NDUFS1: variants seen among roughly 807,000 people sequenced by gnomAD.
The protein encoded by NDUFS1 is NADH:ubiquinone oxidoreductase core subunit S1.
Under a neutral mutation model 84.4 loss-of-function variants are expected in NDUFS1, and 61 were observed. That is an observed-to-expected ratio of 0.72 (90% CI 0.59 to 0.89). NDUFS1 has a LOEUF of 0.89. Among genes scored for constraint, NDUFS1 ranks in the 40% least tolerant of loss-of-function variants. The pLI is 0.00. For missense variants in NDUFS1, 891 were observed against 890.0 expected (o/e 1.00, Z -0.01); for synonymous variants, 275 against 290.0 (o/e 0.95, Z 0.53).
intron 14 of NDUFS1, 37 bp downstream of exon 14, chr2:206,132,908 T>C (rs571910948): frequency 1.5e-4 from 234 of 1,565,700 alleles, no homozygotes; most frequent in South Asian, 8.9e-4. Flanking sequence ...ACAACATTAC[T>C]TGAATTTATA....
intron 12 of NDUFS1, among the ~76,000 whole-genome samples, chr2:206,140,980 G>T (rs182082808): frequency 3.8e-5 from 5 of 131,208 alleles, no homozygotes; most frequent in African/African-American, 1.5e-4. Context: ...AATATGGCAA[G>T]ATGTTAACAT....
intron 12 of NDUFS1, among the ~76,000 whole-genome samples, chr2:206,140,841 G>A (rs548916146): frequency 6.6e-6 from 1 of 150,868 alleles, no homozygotes; most frequent in Non-Finnish European, 1.5e-5. Context: ...TGAGAATTTA[G>A]GTATAAAAGG....
intron 9 of NDUFS1, 125 bp downstream of exon 9, chr2:206,144,767 A>G (rs1277041622): frequency 5.3e-6 from 5 of 943,180 alleles, no homozygotes; most frequent in Middle Eastern, 3.1e-4. Context: ...TTATATAAGC[A>G]ACTCAGATTC....
At chr2:206,139,990 A>G (rs1691874190) in intron 12 of NDUFS1, among the ~76,000 whole-genome samples, 1 of 140,002 alleles carries the variant, frequency 7.1e-6, no homozygotes, top group African/African-American at 2.8e-5. Context: ...AGAAATTATG[A>G]AAAAAAAAAT....
intron 16 of NDUFS1, 57 bp downstream of exon 16, chr2:206,127,740 C>T: frequency 6.4e-7 from 1 of 1,570,192 alleles, no homozygotes; most frequent in Admixed American, 1.7e-5. Flanking sequence ...TTCTAACAGG[C>T]TAAAATATCA....
intron 7 of NDUFS1, 45 bp downstream of exon 7, chr2:206,147,486 T>C (rs1436949555): frequency 1.3e-6 from 2 of 1,542,134 alleles, no homozygotes; most frequent in Non-Finnish European, 1.8e-6. Flanking sequence ...GACTATTAAG[T>C]ATACAATTAT....
intron 7 of NDUFS1, 64 bp from the exon 8 acceptor site, chr2:206,147,152 T>A (rs1260019460): frequency 6.7e-7 from 1 of 1,493,452 alleles, no homozygotes; most frequent in Non-Finnish European, 9.3e-7. Context: ...TTCTTATTCA[T>A]GATCACAAAG....
Position 206,159,363 on chromosome 2 carries a change from C to A in NDUFS1, c.-27G>T. ...CACCTTCTCCCCGGAGCCGCGGAGGCTGTTCTGCTAAACTGTCTGGACCAC... is the reference window on the plus strand; with the variant it reads ...CACCTTCTCCCCGGAGCCGCGGAGGATGTTCTGCTAAACTGTCTGGACCAC... On this transcript the variant is annotated 5_prime_UTR_variant, in exon 1 of 19. Coordinates refer to ENST00000233190, the MANE Select transcript of NDUFS1 (RefSeq NM_005006.7). 1 of 594,856 alleles carries A rather than the reference C, an allele frequency of 1.7e-6. No homozygotes were observed. The highest frequency in any genetic ancestry group is 3.0e-6 in the Non-Finnish European group (1 of 334,038). 36.8% of individuals were successfully genotyped at this position (594,856 alleles called of 1,614,324 possible).
chr2:206,154,866 G>A (rs990147146), intron 1 of NDUFS1, among the ~76,000 whole-genome samples: 3 of 149,252 alleles, frequency 2.0e-5, no homozygotes, highest in African/African-American at 7.4e-5. Flanking sequence ...TTCATGATCC[G>A]CCCACCTTGA....
At chr2:206,135,573 T>G (rs1418465948) in intron 13 of NDUFS1, among the ~76,000 whole-genome samples, 1 of 151,496 alleles carries the variant, frequency 6.6e-6, no homozygotes, top group Non-Finnish European at 1.5e-5. Flanking sequence ...CTCGGGAGGC[T>G]GAGGCAAGAA....
chr2:206,148,180 G>A (rs10209592), intron 5 of NDUFS1, among the ~76,000 whole-genome samples: 4,006 of 151,896 alleles, frequency 0.026, 179 homozygotes, highest in African/African-American at 0.092. Flanking sequence ...CCGCCCTGGC[G>A]TCCCAAAGTG....
chr2:206,136,013 T>C (rs1489576774), intron 13 of NDUFS1, among the ~76,000 whole-genome samples: 1 of 151,328 alleles, frequency 6.6e-6, no homozygotes, highest in Non-Finnish European at 1.5e-5. Context: ...TTTGATGATA[T>C]GCTTGGACAA....
chr2:206,132,347 G>A (rs1231050064), intron 14 of NDUFS1, among the ~76,000 whole-genome samples: 2 of 152,154 alleles, frequency 1.3e-5, no homozygotes, highest in Non-Finnish European at 2.9e-5. Flanking sequence ...AGTTTGGGAG[G>A]CTGAGGCAGA....
rs1691043776 is a variant in NDUFS1 at position 206,119,718 on chromosome 2, T to C, written c.*4467A>G. 6.6e-6 allele frequency: 1 copy of C among 152,210 alleles called. No individual in the cohort carries two copies. Among genetic ancestry groups the C allele is most frequent in the Non-Finnish European group, 1.5e-5 (1 of 68,044 alleles). 9.4% of individuals were successfully genotyped at this position (152,210 alleles called of 1,614,324 possible). A position where few individuals can be genotyped will look rare whatever the true frequency, so the allele number is the denominator to read the frequency against. On this transcript the variant is annotated 3_prime_UTR_variant, in exon 19 of 19. Coordinates refer to ENST00000233190, the MANE Select transcript of NDUFS1 (RefSeq NM_005006.7). ...GCTTGAGCTACTGTGCCAGGCCAAG[T>C]ATATTTTTAATTAATGTATTCATTA...
At chr2:206,138,269 C>A (rs1286448076) in intron 13 of NDUFS1, among the ~76,000 whole-genome samples, 3 of 152,174 alleles carry the variant, frequency 2.0e-5, no homozygotes, top group African/African-American at 7.2e-5. Flanking sequence ...TTAGTAGAGA[C>A]AGGGTTTCAC....
At chr2:206,133,395 T>C (rs954727154) in intron 13 of NDUFS1, among the ~76,000 whole-genome samples, 3 of 152,218 alleles carry the variant, frequency 2.0e-5, no homozygotes, top group Non-Finnish European at 4.4e-5. Context: ...AGAATAACTA[T>C]GGGCAGGTCC....
chr2:206,141,457 G>A (rs1480906575), intron 12 of NDUFS1, among the ~76,000 whole-genome samples: 2 of 151,776 alleles, frequency 1.3e-5, no homozygotes, highest in Non-Finnish European at 2.9e-5. Flanking sequence ...GCGTGAACCC[G>A]GGAGGCGGAG....
chr2:206,142,920 T>C, intron 10 of NDUFS1, 89 bp from the exon 11 acceptor site: 1 of 1,531,520 alleles, frequency 6.5e-7, no homozygotes, highest in South Asian at 1.2e-5. Flanking sequence ...AGTACTTGTT[T>C]TCAAGTACAA....
At chr2:206,139,871 TAA>T (rs35564839) in intron 12 of NDUFS1, among the ~76,000 whole-genome samples, 447 of 103,552 alleles carry the variant, frequency 4.3e-3, no homozygotes, top group Middle Eastern at 0.024. Context: ...CTTGTGTTCT[TAA>T]AAAAAAAAAA....
Sources: gnomAD v4.1 joint callset for allele counts (sites outside exome capture counted in the v4.1 genomes callset) on GRCh38, gnomAD v4.1.1 for gene constraint, MANE v1.5 for transcripts, NCBI Gene and HGNC (gene_info 2026-07-23, HGNC 2026-07-21) for gene names.